CPEB1: variants seen among roughly 807,000 people sequenced by gnomAD.
CPEB1 encodes cytoplasmic polyadenylation element-binding protein 1.
CPEB1 carries 7 observed loss-of-function variants against 65.8 expected under a neutral mutation model. The ratio of observed to expected loss-of-function variants is 0.11; its 90% CI spans 0.06 to 0.20. The LOEUF is 0.20. CPEB1 is among the 10% of genes least tolerant of loss of function. The pLI, the probability that CPEB1 is intolerant of heterozygous loss-of-function variation, is 1.00. For synonymous variants in CPEB1, 262 were observed against 260.0 expected, an observed-to-expected ratio of 1.01 and a Z score of -0.08; for missense variants, 551 against 712.2, an observed-to-expected ratio of 0.77 and a Z score of 2.58.
chr15:82,644,341 A>T (rs1427792311), intron 1 of CPEB1, among the ~76,000 whole-genome samples: 1 of 152,188 alleles, frequency 6.6e-6, no homozygotes, highest in East Asian at 1.9e-4. Context: ...GAACACACAT[A>T]ATAGGCTGGG....
rs753809705 is a variant in CPEB1, at chr15:82,642,166, G to A, written c.-98+4971C>T. 1.4e-3 allele frequency among the ~76,000 whole-genome samples: 210 copies of A among 152,170 alleles called. 1 individual carries two copies. Among genetic ancestry groups the A allele is most frequent in the Non-Finnish European group, 2.7e-3 (182 of 68,032 alleles). Reference sequence around the variant, plus strand: ...AATCTGTGCTCACAGAAGATGAGACGCTCTAAAGCAGGCTGCAACAACGGC... The same window carrying A: ...AATCTGTGCTCACAGAAGATGAGACACTCTAAAGCAGGCTGCAACAACGGC... On this transcript the variant is annotated intron_variant, in intron 1 of 12. Transcript: ENST00000684509.
intron 3 of CPEB1, among the ~76,000 whole-genome samples, chr15:82,600,896 T>C (rs555677428): frequency 8.3e-4 from 91 of 109,658 alleles, no homozygotes; most frequent in African/African-American, 2.8e-3. Context: ...CCAGAACTTG[T>C]CTTTTTTTTT....
chr15:82,555,718 A>C, intron 6 of CPEB1, 152 bp downstream of exon 6: 1 of 795,448 alleles, frequency 1.3e-6, no homozygotes, highest in East Asian at 2.8e-5. Flanking sequence ...ATTAGTATTT[A>C]CTCCACAGAA....
chr15:82,615,536 G>C (rs766704952), intron 3 of CPEB1, among the ~76,000 whole-genome samples: 2 of 152,164 alleles, frequency 1.3e-5, no homozygotes, highest in African/African-American at 2.4e-5. Flanking sequence ...GGCATAAAGG[G>C]AAAGAACCCT....
At chr15:82,624,452 G>C (rs1275650847) in intron 3 of CPEB1, among the ~76,000 whole-genome samples, 2 of 152,136 alleles carry the variant, frequency 1.3e-5, no homozygotes, top group Admixed American at 1.3e-4. Flanking sequence ...TCACTGCCCA[G>C]GGTCAAGCTT....
At chr15:82,606,643 C>A (rs1423067490) in intron 3 of CPEB1, among the ~76,000 whole-genome samples, 1 of 101,566 alleles carries the variant, frequency 9.8e-6, no homozygotes, top group Non-Finnish European at 2.0e-5. Flanking sequence ...ATGGTGAAAC[C>A]CCGTCTCTAC....
At chr15:82,597,463 C>T (rs1486635072) in intron 3 of CPEB1, among the ~76,000 whole-genome samples, 2 of 152,170 alleles carry the variant, frequency 1.3e-5, no homozygotes, top group Non-Finnish European at 2.9e-5. Flanking sequence ...AAGCATATTA[C>T]AGAAGCGAGA....
intron 3 of CPEB1, among the ~76,000 whole-genome samples, chr15:82,594,364 A>AAAAAAGAAAAG (rs71453400): frequency 2.0e-5 from 3 of 150,124 alleles, no homozygotes; most frequent in Admixed American, 6.7e-5. Flanking sequence ...TGAACCAAAA[A>AAAAAAGAAAAG]AAAAGAAAAG....
chr15:82,647,728 C>T (rs2047698870), upstream of CPEB1: 1 of 865,528 alleles, frequency 1.2e-6, no homozygotes, highest in Non-Finnish European at 1.5e-6. Flanking sequence ...TGACCGCGCC[C>T]CGCCCGGGAC....
intron 6 of CPEB1, among the ~76,000 whole-genome samples, chr15:82,555,007 CTG>C (rs777757883): frequency 1.3e-5 from 2 of 152,218 alleles, no homozygotes; most frequent in Non-Finnish European, 2.9e-5. Flanking sequence ...CAGCCCAACT[CTG>C]TGAGCAAACA....
chr15:82,577,387 A>G (rs907385195), intron 3 of CPEB1, among the ~76,000 whole-genome samples: 20 of 151,958 alleles, frequency 1.3e-4, no homozygotes, highest in African/African-American at 4.8e-4. Flanking sequence ...ACTAACTTAA[A>G]AAATTTTTTT....
intron 4 of CPEB1, 82 bp downstream of exon 4, chr15:82,571,262 A>T: frequency 6.6e-7 from 1 of 1,517,664 alleles, no homozygotes; most frequent in Non-Finnish European, 8.8e-7. Flanking sequence ...AAAGGGGAAC[A>T]GAACAACTGT....
At chr15:82,592,849 T>C (rs995141866) in intron 3 of CPEB1, among the ~76,000 whole-genome samples, 1 of 151,660 alleles carries the variant, frequency 6.6e-6, no homozygotes, top group Non-Finnish European at 1.5e-5. Context: ...ACAAAAAAAT[T>C]AGCCGGGCAT....
intron 3 of CPEB1, among the ~76,000 whole-genome samples, chr15:82,577,062 A>C (rs1039470604): frequency 2.0e-5 from 3 of 152,196 alleles, no homozygotes; most frequent in Non-Finnish European, 4.4e-5. Context: ...ATTATAGTAG[A>C]AATTTTTTTC....
chr15:82,589,572 T>C (rs528472314), intron 3 of CPEB1, among the ~76,000 whole-genome samples: 5 of 152,192 alleles, frequency 3.3e-5, no homozygotes, highest in Admixed American at 2.6e-4. Flanking sequence ...GGTGAAACCC[T>C]GTCTCTACCA....
chr15:82,643,807 C>A (rs954713327), intron 1 of CPEB1, among the ~76,000 whole-genome samples: 1 of 152,108 alleles, frequency 6.6e-6, no homozygotes, highest in Non-Finnish European at 1.5e-5. Flanking sequence ...GATTTTACCA[C>A]AGACTGCTTT....
chr15:82,570,735 A>C (rs1315689716), intron 4 of CPEB1, among the ~76,000 whole-genome samples: 9 of 151,936 alleles, frequency 5.9e-5, no homozygotes, highest in African/African-American at 1.7e-4. Context: ...GAAAAAAAAA[A>C]AAGATTCTAT....
intron 3 of CPEB1, among the ~76,000 whole-genome samples, chr15:82,612,842 G>GAACA (rs150222615): frequency 4.7e-4 from 24 of 50,544 alleles, no homozygotes; most frequent in African/African-American, 7.3e-4. Context: ...TCAAAAAAAA[G>GAACA]AACAAACAAA....
chr15:82,562,423 T>C, intron 4 of CPEB1: 1 of 268,446 alleles, frequency 3.7e-6, no homozygotes, highest in Non-Finnish European at 7.4e-6. Context: ...GAGATGTGTA[T>C]ACACATTAAG....
Sources: gnomAD v4.1 joint callset for allele counts (sites outside exome capture counted in the v4.1 genomes callset) on GRCh38, gnomAD v4.1.1 for gene constraint, MANE v1.5 for transcripts, NCBI Gene and HGNC (gene_info 2026-07-23, HGNC 2026-07-21) for gene names.